Variants in FPR3 observed in about 807,000 individuals in gnomAD.
The protein encoded by FPR3 is N-formyl peptide receptor 3.
For synonymous variants in FPR3, 135 were observed against 163.6 expected, an observed-to-expected ratio of 0.83 and a Z score of 1.34; for missense variants, 346 against 443.2, an observed-to-expected ratio of 0.78 and a Z score of 1.97.
intron 1 of FPR3, among the ~76,000 whole-genome samples, chr19:51,802,745 T>C (rs912613818): frequency 9.9e-5 from 15 of 152,246 alleles, no homozygotes; most frequent in Admixed American, 4.6e-4. Context: ...GTTGAAGGTG[T>C]CTTCTATTCT....
intron 1 of FPR3, among the ~76,000 whole-genome samples, chr19:51,819,067 A>C (rs1231383236): frequency 6.6e-6 from 1 of 152,086 alleles, no homozygotes; most frequent in African/African-American, 2.4e-5. Flanking sequence ...AATCAATAGG[A>C]CTTGGATTGT....
intron 1 of FPR3, among the ~76,000 whole-genome samples, chr19:51,807,648 A>T (rs1223873610): frequency 1.3e-5 from 2 of 152,212 alleles, no homozygotes; most frequent in Non-Finnish European, 2.9e-5. Context: ...AAGTCTGTCC[A>T]CCTGGAATAG....
intron 1 of FPR3, among the ~76,000 whole-genome samples, chr19:51,819,666 G>A (rs2084173243): frequency 6.6e-6 from 1 of 152,054 alleles, no homozygotes; most frequent in Non-Finnish European, 1.5e-5. Flanking sequence ...AATATAGAAT[G>A]GATTCAGCAG....
intron 1 of FPR3, among the ~76,000 whole-genome samples, chr19:51,822,617 T>C (rs1195340659): frequency 6.6e-6 from 1 of 152,152 alleles, no homozygotes; most frequent in East Asian, 1.9e-4. Context: ...ACAATGAATA[T>C]TACAGAGCTA....
chr19:51,824,907 C>A lies in FPR3; in HGVS notation c.*97C>A. The A allele has an allele frequency of 5.5e-6, 5 of 917,052 alleles. No homozygotes were observed. The highest frequency in any genetic ancestry group is 8.2e-6 in the Non-Finnish European group (5 of 608,954). The allele number at this position is 917,052 out of a possible 1,614,324, so 56.8% of individuals were successfully genotyped here. A position where few individuals can be genotyped will look rare whatever the true frequency, so the allele number is the denominator to read the frequency against. ...TTTTCTTCCTCTTTCATACCACCAC[C>A]ACCACAATCATCAACATAAAGGAAG... On this transcript the variant is annotated 3_prime_UTR_variant, in exon 2 of 2. Transcript: ENST00000339223. This position sits in a 1 kb window ranked among gnomAD's most constrained non-coding sequence, Gnocchi z 4.7.
intron 1 of FPR3, among the ~76,000 whole-genome samples, chr19:51,798,131 G>C (rs755562653): frequency 1.3e-5 from 2 of 152,032 alleles, no homozygotes; most frequent in Non-Finnish European, 2.9e-5. Context: ...ACACCATCGA[G>C]GTGTCAGAGA....
In FPR3 at chr19:51,804,642, C is replaced by A. The variant is rs150303405; in HGVS notation, c.-11+9311C>A. On this transcript the variant is annotated intron_variant, in intron 1 of 1. Coordinates refer to ENST00000339223, the MANE Select transcript of FPR3 (RefSeq NM_002030.5). ...ACAACAGCAAAAATGCTCAAATTGA[C>A]AAAAATTTATGGACTTTACATTGGG... Among the ~76,000 whole-genome samples the A allele has an allele frequency of 8.1e-3, 1,229 of 152,140 alleles. 4 individuals are homozygous for A. The highest frequency in any genetic ancestry group is 0.012 in the South Asian group (59 of 4,816).
intron 1 of FPR3, among the ~76,000 whole-genome samples, chr19:51,806,606 T>C (rs986161650): frequency 6.6e-6 from 1 of 152,244 alleles, no homozygotes; most frequent in African/African-American, 2.4e-5. Flanking sequence ...TCTAGGATTA[T>C]AAGGAATTCC....
In FPR3 at chr19:51,802,041, C is replaced by T. The variant is rs536098624; in HGVS notation, c.-11+6710C>T. The stretch of plus-strand genomic sequence containing the variant: ...TACAAATTGGCTTGATCAAATGAGG[C>T]CCCTTAGTCCCCCAGTTAAGATAAT... On this transcript the variant is annotated intron_variant, in intron 1 of 1. Coordinates refer to ENST00000339223, the MANE Select transcript of FPR3 (RefSeq NM_002030.5). Among the ~76,000 whole-genome samples the T allele has an allele frequency of 1.6e-3, 239 of 152,156 alleles. 2 individuals carry two copies. The highest frequency in any genetic ancestry group is 5.5e-3 in the African/African-American group (227 of 41,504).
intron 1 of FPR3, among the ~76,000 whole-genome samples, chr19:51,799,528 G>A (rs1300178845): frequency 6.6e-6 from 1 of 152,184 alleles, no homozygotes; most frequent in South Asian, 2.1e-4. Context: ...GATGACTCAC[G>A]CACTTCCTGC....
At chr19:51,804,169 A>G (rs997037026) in intron 1 of FPR3, 2 of 152,238 alleles carry the variant, frequency 1.3e-5, no homozygotes, top group Middle Eastern at 3.4e-3. Context: ...TCCAGTCTAA[A>G]TACAAGCTTA....
At position 51,813,624 on chromosome 19, in the gene FPR3, G is replaced by A. The variant is rs1039496150; in HGVS notation, c.-10-10115G>A. Among the ~76,000 whole-genome samples the A allele has an allele frequency of 4.6e-5, 7 of 151,784 alleles. No homozygotes were observed. The East Asian group carries it at 7.8e-4, about 17-fold the overall frequency. ...CGGCTCACTGCAAGCTCCACCTCCC[G>A]GGTTCACGCCATTTTCCCACCTCAG... is the stretch of plus-strand genomic sequence containing the variant. On this transcript the variant is annotated intron_variant, in intron 1 of 1. Transcript: ENST00000339223.
At chr19:51,814,651 G>T (rs2084121348) in intron 1 of FPR3, among the ~76,000 whole-genome samples, 1 of 151,922 alleles carries the variant, frequency 6.6e-6, no homozygotes, top group South Asian at 2.1e-4. Flanking sequence ...GTGCCATTCT[G>T]CTGGGCTAAT....
At position 51,824,256 on chromosome 19, in the gene FPR3, A is replaced by G; in HGVS notation, c.508A>G (p.Thr170Ala). Residue 170 changes from threonine (T) to alanine (A), a missense_variant, in exon 2 of 2, where the codon ACG (threonine) becomes GCG (alanine). Thr to Ala is a moderately conservative substitution (Grantham distance 58, BLOSUM62 0). Coordinates refer to ENST00000339223, the MANE Select transcript of FPR3 (RefSeq NM_002030.5). This position sits in a 1 kb window ranked among gnomAD's most constrained non-coding sequence, Gnocchi z 4.7. ...NFIFWTTIST[T>A]NGDTYCIFNF... The stretch of plus-strand genomic sequence containing the variant: ...CATCTTCTGGACTACAATAAGTACT[A>G]CGAATGGGGACACATACTGTATTTT... 1 of 1,614,156 alleles carries G rather than the reference A, an allele frequency of 6.2e-7. No homozygotes were observed. Among genetic ancestry groups the G allele is most frequent in the African/African-American group, 1.3e-5 (1 of 75,032 alleles).
intron 1 of FPR3, among the ~76,000 whole-genome samples, chr19:51,806,287 G>T (rs59974934): frequency 6.6e-6 from 1 of 152,054 alleles, no homozygotes; most frequent in African/African-American, 2.4e-5. Flanking sequence ...GCACCCACAT[G>T]GCTTGTCAAT....
intron 1 of FPR3, among the ~76,000 whole-genome samples, chr19:51,821,640 G>C (rs1379171135): frequency 1.3e-5 from 2 of 152,048 alleles, no homozygotes; most frequent in Non-Finnish European, 2.9e-5. Flanking sequence ...ATGATACTAG[G>C]GTATGACCAC....
intron 1 of FPR3, among the ~76,000 whole-genome samples, chr19:51,796,995 A>G (rs1599827571): frequency 6.6e-6 from 1 of 152,192 alleles, no homozygotes; most frequent in South Asian, 2.1e-4. Flanking sequence ...AACACCGTAA[A>G]TTGGACTAAA....
intron 1 of FPR3, among the ~76,000 whole-genome samples, chr19:51,799,941 C>T (rs1244155235): frequency 2.6e-5 from 4 of 152,316 alleles, no homozygotes; most frequent in South Asian, 2.1e-4. Context: ...GCTGGCCACC[C>T]GGTAGCCCAT....
At chr19:51,813,314 T>C (rs2084111231) in intron 1 of FPR3, among the ~76,000 whole-genome samples, 1 of 152,138 alleles carries the variant, frequency 6.6e-6, no homozygotes. Flanking sequence ...TATAGGACTC[T>C]TATAAGGCAC....
Sources: allele counts gnomAD v4.1 joint callset (sites outside exome capture counted in the v4.1 genomes callset), GRCh38; gene constraint gnomAD v4.1.1; non-coding constraint Gnocchi (gnomAD v3.1); transcripts MANE v1.5; gene names NCBI Gene and HGNC (gene_info 2026-07-23, HGNC 2026-07-21).